ARID1B: variants seen among roughly 807,000 people sequenced by gnomAD.
ARID1B encodes the protein AT-rich interaction domain 1B, also known as AT-rich interactive domain-containing protein 1B.
Under a neutral mutation model 212.3 loss-of-function variants are expected in ARID1B, and 30 were observed. The observed-to-expected ratio is 0.14, with a 90% CI of 0.11 to 0.19. The LOEUF (loss-of-function observed/expected upper bound fraction) is 0.19. Among genes scored for constraint, ARID1B ranks in the 10% least tolerant of loss-of-function variants. ARID1B has a pLI of 1.00. For missense variants in ARID1B, 2,891 were observed against 3,204.0 expected (o/e 0.90, Z 2.36); for synonymous variants, 1,402 against 1,301.7 (o/e 1.08, Z -1.66).
chr6:156,923,387 A>C (rs890983269), intron 3 of ARID1B, among the ~76,000 whole-genome samples: 2 of 152,204 alleles, frequency 1.3e-5, no homozygotes, highest in Non-Finnish European at 2.9e-5. Flanking sequence ...GGTAGGGTCC[A>C]GAAGTGCCTC....
At chr6:156,982,509 A>T (rs1417086486) in intron 4 of ARID1B, among the ~76,000 whole-genome samples, 3 of 139,754 alleles carry the variant, frequency 2.1e-5, no homozygotes, top group African/African-American at 5.4e-5. Context: ...TTATATAGTT[A>T]TTTGGTAATT....
chr6:156,945,187 T>G lies in ARID1B; in HGVS notation c.2247+9611T>G, dbSNP rs576811632. 5.1e-3 allele frequency among the ~76,000 whole-genome samples: 714 copies of G among 138,800 alleles called. 3 individuals carry two copies. Among genetic ancestry groups the G allele is most frequent in the Middle Eastern group, 0.02 (5 of 254 alleles). The allele number at this position is 138,800 out of a possible 152,430, so 91.1% of individuals were successfully genotyped here. On this transcript the variant is annotated intron_variant, in intron 4 of 19. Coordinates refer to ENST00000636930, the MANE Select transcript of ARID1B (RefSeq NM_001374828.1). ...CCTGACCTTGTGATCCGCCCGCCTC[T>G]GCCACCCAAAGTACTGGGATGACCG...
intron 8 of ARID1B, among the ~76,000 whole-genome samples, chr6:157,153,869 GCCTCA>G (rs2128649216): frequency 6.6e-6 from 1 of 152,212 alleles, no homozygotes; most frequent in South Asian, 2.1e-4. Context: ...TGAACTCCTA[GCCTCA>G]AGCAATCCTC....
chr6:156,860,669 T>C (rs1381571934), intron 2 of ARID1B, among the ~76,000 whole-genome samples: 2 of 152,234 alleles, frequency 1.3e-5, no homozygotes, highest in African/African-American at 4.8e-5. Flanking sequence ...CAGTCTTCAG[T>C]TGGCAAAATG....
rs1382924622 is a variant in ARID1B, at chr6:157,153,722, A to G, written c.3089+4771A>G. On this transcript the variant is annotated intron_variant, in intron 8 of 19. Transcript: ENST00000636930. ...TTTAATATAGCTCACTACAACCTCA[A>G]ATTCCTGGGCTCAAGCAATTCTCCC... Among the ~76,000 whole-genome samples the G allele has an allele frequency of 2.0e-5, 3 of 152,180 alleles. No individual in the cohort carries two copies. In the East Asian group the frequency reaches 5.8e-4, roughly 29 times the overall value.
intron 4 of ARID1B, among the ~76,000 whole-genome samples, chr6:157,068,775 T>C (rs7755878): frequency 0.54 from 81,461 of 152,036 alleles, 23,104 homozygotes; most frequent in African/African-American, 0.71. Flanking sequence ...CACAGATGCA[T>C]ACAAACACAT....
At chr6:157,043,787 A>T (rs1047770429) in intron 4 of ARID1B, among the ~76,000 whole-genome samples, 1 of 152,208 alleles carries the variant, frequency 6.6e-6, no homozygotes, top group African/African-American at 2.4e-5. Flanking sequence ...AGGAAGATAT[A>T]TTCATTGTTA....
At chr6:157,031,728 A>G (rs1011161032) in intron 4 of ARID1B, among the ~76,000 whole-genome samples, 3 of 152,246 alleles carry the variant, frequency 2.0e-5, no homozygotes, top group African/African-American at 4.8e-5. Flanking sequence ...TTATTTCACA[A>G]TAAATTACAG....
intron 2 of ARID1B, among the ~76,000 whole-genome samples, chr6:156,839,108 T>G (rs1562424994): frequency 6.6e-6 from 1 of 152,218 alleles, no homozygotes; most frequent in Non-Finnish European, 1.5e-5. Context: ...TGACAAGGTC[T>G]TACTCTTCAG....
At chr6:156,819,985 GT>G in intron 1 of ARID1B, among the ~76,000 whole-genome samples, 1 of 152,192 alleles carries the variant, frequency 6.6e-6, no homozygotes, top group Non-Finnish European at 1.5e-5. Context: ...GGAGCTGGCT[GT>G]GGTGGAGAGG....
chr6:157,080,375 T>A (rs2128452433), intron 4 of ARID1B, among the ~76,000 whole-genome samples: 1 of 152,344 alleles, frequency 6.6e-6, no homozygotes, highest in African/African-American at 2.4e-5. Flanking sequence ...TTACGCTAAA[T>A]TGAATACCAT....
rs147027388 is a variant in ARID1B, at chr6:157,026,915, A to G, written c.2248-57747A>G. Among the ~76,000 whole-genome samples, 15 of 152,162 alleles carry G rather than the reference A, an allele frequency of 9.9e-5. No homozygotes were observed. In the East Asian group the frequency reaches 2.9e-3, roughly 29 times the overall value. On this transcript the variant is annotated intron_variant, in intron 4 of 19. Coordinates refer to ENST00000636930, the MANE Select transcript of ARID1B (RefSeq NM_001374828.1). ...ACTTCTAACTCCTCTTCCTAAATTTACCTCTTACAGAGTGTCCTGTATTAG... is the reference window on the plus strand; with the variant it reads ...ACTTCTAACTCCTCTTCCTAAATTTGCCTCTTACAGAGTGTCCTGTATTAG...
At chr6:157,140,236 G>C (rs963498972) in intron 7 of ARID1B, among the ~76,000 whole-genome samples, 28 of 152,256 alleles carry the variant, frequency 1.8e-4, no homozygotes, top group African/African-American at 6.7e-4. Flanking sequence ...TTGGGAGGCT[G>C]AGGTGGGTGG....
chr6:156,835,873 T>C lies in ARID1B; in HGVS notation c.1986+6452T>C, dbSNP rs551149542. ...CCTCCCACCTCAGCCTCCCAAGCAG[T>C]TGGGACTACAGACATGTGCCACCAT... is the stretch of plus-strand genomic sequence containing the variant. On this transcript the variant is annotated intron_variant, in intron 2 of 19. Coordinates refer to ENST00000636930, the MANE Select transcript of ARID1B (RefSeq NM_001374828.1). Among the ~76,000 whole-genome samples the C allele has an allele frequency of 4.6e-5, 7 of 152,110 alleles. No homozygotes were observed. The South Asian group carries it at 1.5e-3, about 32-fold the overall frequency.
intron 4 of ARID1B, among the ~76,000 whole-genome samples, chr6:156,980,079 A>G (rs1248491898): frequency 2.0e-5 from 3 of 152,222 alleles, no homozygotes; most frequent in Non-Finnish European, 4.4e-5. Flanking sequence ...GACTTTAAGG[A>G]AAGTATATGT....
chr6:156,992,348 C>T (rs1041253326), intron 4 of ARID1B, among the ~76,000 whole-genome samples: 6 of 152,130 alleles, frequency 3.9e-5, no homozygotes, highest in Admixed American at 3.9e-4. Context: ...AAAAAAATAA[C>T]ATGTAACTGT....
At position 157,206,886 on chromosome 6, in the gene ARID1B, C is replaced by A. The variant is rs2128394829; in HGVS notation, c.6114C>A (p.Asn2038Lys). 1 of 1,614,178 alleles carries A rather than the reference C, an allele frequency of 6.2e-7. No homozygotes were observed. The highest frequency in any genetic ancestry group is 1.1e-5 in the South Asian group (1 of 91,080). ...TCCAGCAAGCCAAAAGTCACCGGAA[C>A]ATCAAGCTGCTGGAGGACGAGCCCA... ...FGIQQAKSHR[N>K]IKLLEDEPRS... Residue 2038 changes from asparagine to lysine, a missense_variant, in exon 20 of 20, where the codon AAC becomes AAA. By Grantham distance (94) the Asn-to-Lys change is moderately conservative (BLOSUM62 0). Around this residue, in one of 7 missense-constraint regions of ARID1B, gnomAD observed 332 missense variants for 369.2 expected, o/e 0.90. Transcript: ENST00000636930. This position sits in a 1 kb window ranked among gnomAD's most constrained non-coding sequence, Gnocchi z 6.8.
chr6:156,854,109 CT>C (rs1283728716), intron 2 of ARID1B, among the ~76,000 whole-genome samples: 1 of 152,106 alleles, frequency 6.6e-6, no homozygotes, highest in Admixed American at 6.6e-5. Flanking sequence ...AAAAAACAAA[CT>C]TTTTTTGGTG....
intron 16 of ARID1B, chr6:157,198,456 C>T (rs751925759): frequency 3.5e-5 from 8 of 230,244 alleles, no homozygotes; most frequent in East Asian, 1.7e-4. Flanking sequence ...CAGCACTGTA[C>T]GACACTTCCT....
Sources: allele counts gnomAD v4.1 joint callset (sites outside exome capture counted in the v4.1 genomes callset), GRCh38; gene constraint gnomAD v4.1.1; regional missense constraint gnomAD v4.1.1; non-coding constraint Gnocchi (gnomAD v3.1); transcripts MANE v1.5; gene names NCBI Gene and HGNC (gene_info 2026-07-23, HGNC 2026-07-21).